NRK: variants seen among roughly 807,000 people sequenced by gnomAD.
The protein encoded by NRK is Nik related kinase, also known as nik-related protein kinase.
Under a neutral mutation model 125.2 loss-of-function variants are expected in NRK, and 67 were observed. The observed-to-expected ratio is 0.54, with a 90% CI of 0.44 to 0.66. NRK has a LOEUF of 0.66. NRK is among the 30% of genes least tolerant of loss of function. The probability of loss-of-function intolerance (pLI) is 0.00; values close to 1 mark genes in which losing one functional copy is unlikely to be tolerated. For missense variants in NRK, 1,224 were observed against 1,192.9 expected (o/e 1.03, Z -0.38); for synonymous variants, 458 against 429.0 (o/e 1.07, Z -0.84).
intron 4 of NRK, among the ~76,000 whole-genome samples, chrX:105,887,680 T>G (rs1451983816): frequency 8.9e-6 from 1 of 112,081 alleles, no homozygotes; most frequent in Non-Finnish European, 1.9e-5. Flanking sequence ...TGGATGAACT[T>G]TGAAAAGAAC....
At chrX:105,866,014 C>CAAAAAAAAAAAAAA (rs113129723) in intron 2 of NRK, among the ~76,000 whole-genome samples, 1 of 76,021 alleles carries the variant, frequency 1.3e-5, no homozygotes, top group African/African-American at 4.6e-5. Context: ...CAAAACAAAG[C>CAAAAAAAAAAAAAA]AAAAAAAAAA....
rs1036043465 is a variant in NRK at position 105,900,739 on chromosome X, C to T, written c.766+67C>T. 3.8e-5 allele frequency: 26 copies of T among 688,074 alleles called. No homozygotes were observed. In the South Asian group the frequency reaches 6.6e-4, roughly 18 times the overall value. 56.7% of individuals were successfully genotyped at this position (688,074 alleles called of 1,213,427 possible). A position where few individuals can be genotyped will look rare whatever the true frequency, so the allele number is the denominator to read the frequency against. On this transcript the variant is annotated intron_variant, in intron 9 of 28. Coordinates refer to ENST00000243300, the MANE Select transcript of NRK (RefSeq NM_198465.4). ...TGTACTGTACAAATCATACAAATCT[C>T]TCTCTGTCGAAGAAGATGAGATTGC... is the stretch of plus-strand genomic sequence containing the variant.
Position 105,906,543 on chromosome X carries a change from A to T in NRK, c.975A>T (p.Ser325=). Residue 325 remains serine (S), a synonymous_variant, in exon 11 of 29, where the codon TCA becomes TCT. Transcript: ENST00000243300. ...DIKNERHVVE[S]LTRHLTGIIK... is the part of the protein sequence containing the mutation. ...AAAATGAACGACATGTTGTTGAGTC[A>T]TTAACAAGGCATCTTACTGGAATCA... 8.8e-7 allele frequency: 1 copy of T among 1,139,863 alleles called. No homozygotes were observed. Among genetic ancestry groups the T allele is most frequent in the Non-Finnish European group, 1.2e-6 (1 of 848,285 alleles). 93.9% of individuals were successfully genotyped at this position (1,139,863 alleles called of 1,213,427 possible).
At chrX:105,926,378 T>C (rs750276256) in intron 19 of NRK, among the ~76,000 whole-genome samples, 45 of 112,025 alleles carry the variant, frequency 4.0e-4, no homozygotes, top group African/African-American at 1.4e-3. Context: ...TGTTGAGTTG[T>C]TTGAGTTTCT....
At chrX:105,863,518 A>G (rs2039629922) in intron 2 of NRK, among the ~76,000 whole-genome samples, 1 of 111,753 alleles carries the variant, frequency 8.9e-6, no homozygotes, top group Non-Finnish European at 1.9e-5. Flanking sequence ...GCAGCCATAA[A>G]TTTCTGAATA....
Position 105,923,101 on chromosome X carries a change from C to T in NRK, c.2611-17C>T. On this transcript the variant is annotated splice_polypyrimidine_tract_variant and intron_variant, in intron 17 of 28. Coordinates refer to ENST00000243300, the MANE Select transcript of NRK (RefSeq NM_198465.4). ...GAAAGCTACTAGAGGCTACATTAACCTTTCTTGTGCACACAGGTTCCAGAT... is the reference window on the plus strand; with the variant it reads ...GAAAGCTACTAGAGGCTACATTAACTTTTCTTGTGCACACAGGTTCCAGAT... 2 of 1,180,173 alleles carry T rather than the reference C, an allele frequency of 1.7e-6. No homozygotes were observed. Among genetic ancestry groups the T allele is most frequent in the Non-Finnish European group, 2.3e-6 (2 of 876,573 alleles).
intron 9 of NRK, among the ~76,000 whole-genome samples, chrX:105,902,263 A>T (rs2040168331): frequency 9.0e-6 from 1 of 111,556 alleles, no homozygotes; most frequent in Non-Finnish European, 1.9e-5. Context: ...TGGAACTCAC[A>T]AAGGGAGAAA....
chrX:105,954,116 T>G (rs1285572013), intron 28 of NRK, among the ~76,000 whole-genome samples: 2 of 111,522 alleles, frequency 1.8e-5, no homozygotes, highest in African/African-American at 6.5e-5. Context: ...ATAACTGCTT[T>G]GGGAACAATT....
chrX:105,891,908 A>G (rs1490054557), intron 5 of NRK, among the ~76,000 whole-genome samples: 1 of 111,747 alleles, frequency 8.9e-6, no homozygotes, highest in African/African-American at 3.3e-5. Context: ...GTTACTGAGG[A>G]ATTTTTTTTG....
chrX:105,889,067 A>G (rs2039984010), intron 5 of NRK, among the ~76,000 whole-genome samples: 1 of 112,138 alleles, frequency 8.9e-6, no homozygotes, highest in Non-Finnish European at 1.9e-5. Flanking sequence ...AGACAAGGCA[A>G]GTCCCTTCCA....
At position 105,923,337 on chromosome X, in the gene NRK, G is replaced by T. The variant is rs1414637226; in HGVS notation, c.2830G>T (p.Asp944Tyr). The T allele has an allele frequency of 8.5e-7, 1 of 1,179,907 alleles. No homozygotes were observed. ...TGATGAGTCTAATGATACTTTTGAAGATACCTATGATCATGCCAATGGCAA... is the reference window on the plus strand; with the variant it reads ...TGATGAGTCTAATGATACTTTTGAATATACCTATGATCATGCCAATGGCAA... ...DDDESNDTFE[D>Y]TYDHANGNDD... Residue 944 changes from aspartate to tyrosine, a missense_variant, in exon 18 of 29, where the codon GAT becomes TAT. Transcript: ENST00000243300.
intron 5 of NRK, among the ~76,000 whole-genome samples, chrX:105,890,685 C>A (rs1218961172): frequency 9.0e-6 from 1 of 111,490 alleles, no homozygotes; most frequent in Non-Finnish European, 1.9e-5. Flanking sequence ...CCATTAATCT[C>A]AAATCTCGTG....
intron 2 of NRK, among the ~76,000 whole-genome samples, chrX:105,843,140 T>A (rs2039351144): frequency 8.9e-6 from 1 of 111,753 alleles, no homozygotes; most frequent in Non-Finnish European, 1.9e-5. Context: ...GCATAAGGGA[T>A]AAATGGCAAG....
At chrX:105,921,817 T>C in intron 16 of NRK, 147 bp from the exon 17 acceptor site, 1 of 370,573 alleles carries the variant, frequency 2.7e-6, no homozygotes. Context: ...CATGAGAATT[T>C]TCAGGTGATA....
chrX:105,902,214 G>T (rs188101043), intron 9 of NRK, among the ~76,000 whole-genome samples: 1 of 110,575 alleles, frequency 9.0e-6, no homozygotes, highest in Admixed American at 9.7e-5. Flanking sequence ...TACACAAATG[G>T]CAAGCTTCTT....
rs1313349646 is a variant in NRK at position 105,845,366 on chromosome X, G to T, written c.123+14247G>T. On this transcript the variant is annotated intron_variant, in intron 2 of 28. Coordinates refer to ENST00000243300, the MANE Select transcript of NRK (RefSeq NM_198465.4). Reference sequence around the variant, plus strand: ...TTATATTCCAGGGCCCTGATGACCAGATAGAGGGGTGAAGGAATAGAGCCT... The same window carrying T: ...TTATATTCCAGGGCCCTGATGACCATATAGAGGGGTGAAGGAATAGAGCCT... Among the ~76,000 whole-genome samples the T allele has an allele frequency of 2.7e-5, 3 of 111,277 alleles. No individual in the cohort carries two copies. In the East Asian group the frequency reaches 8.5e-4, roughly 32 times the overall value.
chrX:105,893,858 T>A lies in NRK; in HGVS notation c.405T>A (p.Gly135=). 1 of 1,198,384 alleles carries A rather than the reference T, an allele frequency of 8.3e-7. No homozygotes were observed. The highest frequency in any genetic ancestry group is 1.1e-6 in the Non-Finnish European group (1 of 883,570). The change falls in exon 6 of 29, where the codon GGT becomes GGA. Residue 135 remains glycine (G), a synonymous_variant. Transcript: ENST00000243300. ...LWMVMELCAA[G]SVTDVVRMTS... ...TGGTGATGGAGTTATGTGCAGCAGGTTCGGTCACTGATGTAGTGAGAATGA... is the reference window on the plus strand; with the variant it reads ...TGGTGATGGAGTTATGTGCAGCAGGATCGGTCACTGATGTAGTGAGAATGA...
chrX:105,926,155 A>G (rs997595757), intron 19 of NRK, among the ~76,000 whole-genome samples: 1 of 111,548 alleles, frequency 9.0e-6, no homozygotes, highest in Non-Finnish European at 1.9e-5. Flanking sequence ...AGGATGAGAT[A>G]ATATCTCATT....
At chrX:105,882,333 C>G (rs1297677736) in intron 4 of NRK, among the ~76,000 whole-genome samples, 1 of 109,978 alleles carries the variant, frequency 9.1e-6, no homozygotes, top group East Asian at 2.9e-4. Context: ...CATCTGGTAC[C>G]ATACTTGAAC....
Sources: allele counts gnomAD v4.1 joint callset (sites outside exome capture counted in the v4.1 genomes callset), GRCh38; gene constraint gnomAD v4.1.1; transcripts MANE v1.5; gene names NCBI Gene and HGNC (gene_info 2026-07-23, HGNC 2026-07-21).